OR52H1: variants seen among roughly 807,000 people sequenced by gnomAD.
The protein encoded by OR52H1 is olfactory receptor family 52 subfamily H member 1, also known as olfactory receptor 52H1.
For missense variants in OR52H1, 383 were observed against 396.4 expected (o/e 0.97, Z 0.29); for synonymous variants, 148 against 138.6 (o/e 1.07, Z -0.48).
rs970084228 is a variant in OR52H1 at position 5,548,493 on chromosome 11, T to G, written c.-72A>C. ...GGCCAAAGGGAAAGAAGAAAGAGTG[T>G]GTTGACAAAATCTACAAGACAGCAG... On this transcript the variant is annotated 5_prime_UTR_variant, in exon 1 of 2. Transcript: ENST00000322653. 2.0e-5 allele frequency: 3 copies of G among 151,230 alleles called. No individual in the cohort carries two copies. Among genetic ancestry groups the G allele is most frequent in the Non-Finnish European group, 1.5e-5 (1 of 68,000 alleles). 9.4% of individuals were successfully genotyped at this position (151,230 alleles called of 1,614,324 possible).
rs745998809 is a variant in OR52H1 at position 5,544,948 on chromosome 11, A to G, written c.558T>C (p.Val186=). 1.9e-6 allele frequency: 3 copies of G among 1,614,068 alleles called. No homozygotes were observed. In the East Asian group the frequency reaches 6.7e-5, roughly 36 times the overall value. ...IPHTYCEHIG[V]AQLACADISI... ...AGATATCAGCACAGGCGAGCTGGGCAACACCTATATGCTCACAGTATGTGT... is the reference window on the plus strand; with the variant it reads ...AGATATCAGCACAGGCGAGCTGGGCGACACCTATATGCTCACAGTATGTGT... Residue 186 remains valine (V), a synonymous_variant, in exon 2 of 2, where the codon GTT becomes GTC. Transcript: ENST00000322653.
Position 5,545,311 on chromosome 11 carries a change from G to A in OR52H1, c.195C>T (p.Leu65=), listed in dbSNP as rs1429199411. The A allele has an allele frequency of 1.2e-6, 2 of 1,614,186 alleles. No individual in the cohort carries two copies. The highest frequency in any genetic ancestry group is 2.2e-5 in the South Asian group (2 of 91,082). ...HSLHEPMFFF[L]SMLAMTDLIL... ...TGAGGTCAGTCATGGCCAGCATGGA[G>A]AGAAAGAAGAACATGGGTTCATGAA... is the stretch of plus-strand genomic sequence containing the variant. Residue 65 remains leucine (L), a synonymous_variant, in exon 2 of 2, where the codon CTC becomes CTT. Coordinates refer to ENST00000322653, the MANE Select transcript of OR52H1 (RefSeq NM_001005289.5).
rs1486343306 is a variant in OR52H1, at chr11:5,544,957, A to G, written c.549T>C (p.His183=). The change falls in exon 2 of 2, where the codon CAT becomes CAC. Residue 183 remains histidine, a synonymous_variant. Transcript: ENST00000322653. Reference sequence around the variant, plus strand: ...CACAGGCGAGCTGGGCAACACCTATATGCTCACAGTATGTGTGGGGTATGA... The same window carrying G: ...CACAGGCGAGCTGGGCAACACCTATGTGCTCACAGTATGTGTGGGGTATGA... ...TRIIPHTYCE[H]IGVAQLACAD... is the part of the protein sequence containing the mutation. 2 of 1,614,066 alleles carry G rather than the reference A, an allele frequency of 1.2e-6. No individual in the cohort carries two copies. The highest frequency in any genetic ancestry group is 2.7e-5 in the African/African-American group (2 of 74,934).
At chr11:5,547,521 T>C (rs560033431) in intron 1 of OR52H1, among the ~76,000 whole-genome samples, 1 of 151,530 alleles carries the variant, frequency 6.6e-6, no homozygotes, top group African/African-American at 2.4e-5. Context: ...GGTTCCACAA[T>C]TTACTAGCTA....
Position 5,544,670 on chromosome 11 carries a change from G to A in OR52H1, c.836C>T (p.Ala279Val), listed in dbSNP as rs1443944820. The A allele has an allele frequency of 1.2e-6, 2 of 1,613,840 alleles. 1 individual carries two copies. The highest frequency in any genetic ancestry group is 2.2e-5 in the South Asian group (2 of 91,080). ...AGGTGGGATAACAATGTAGAGATTG[G>A]CAAACATGATGTGGAAGGTGCGAGA... The part of the protein sequence containing the change: ...NVSRTFHIMF[A>V]NLYIVIPPAL... Residue 279 changes from alanine to valine, a missense_variant, in exon 2 of 2, where the codon GCC becomes GTC. Physicochemically the swap from Ala to Val is moderately conservative, Grantham distance 64. Transcript: ENST00000322653.
chr11:5,545,768 C>T (rs946317440), intron 1 of OR52H1, among the ~76,000 whole-genome samples: 4 of 152,164 alleles, frequency 2.6e-5, no homozygotes, highest in African/African-American at 9.7e-5. Flanking sequence ...AGAATCTTTT[C>T]TTTCTTCTGA....
chr11:5,544,860 T>C lies in OR52H1; in HGVS notation c.646A>G (p.Ile216Val), dbSNP rs748082083. ...IMTVISDVIL[I>V]AVSYAHILCA... ...AGGATGTGTGCGTAGGAAACAGCAA[T>C]GAGAATCACATCTGAGATGACCGTC... Residue 216 changes from isoleucine (I) to valine (V), a missense_variant, in exon 2 of 2, where the codon ATT becomes GTT. Ile to Val is a conservative substitution (Grantham distance 29, BLOSUM62 3). Transcript: ENST00000322653. 1 of 1,613,532 alleles carries C rather than the reference T, an allele frequency of 6.2e-7. No homozygotes were observed. Among genetic ancestry groups the C allele is most frequent in the Non-Finnish European group, 8.5e-7 (1 of 1,179,650 alleles).
intron 1 of OR52H1, among the ~76,000 whole-genome samples, chr11:5,545,938 C>G (rs1300553052): frequency 6.6e-6 from 1 of 152,062 alleles, no homozygotes; most frequent in African/African-American, 2.4e-5. Context: ...TGTTTAGGAT[C>G]TGCTTGCTCT....
At chr11:5,548,248 A>C (rs1240091156) in intron 1 of OR52H1, among the ~76,000 whole-genome samples, 1 of 139,216 alleles carries the variant, frequency 7.2e-6, no homozygotes, top group Non-Finnish European at 1.5e-5. Flanking sequence ...GTAATTGTCC[A>C]TCTGTTCTGA....
chr11:5,546,752 T>A (rs974867359), intron 1 of OR52H1, among the ~76,000 whole-genome samples: 7 of 149,626 alleles, frequency 4.7e-5, no homozygotes, highest in African/African-American at 7.4e-5. Context: ...TCCAAAAGCA[T>A]TCACAAACAC....
chr11:5,545,341 A>G lies in OR52H1; in HGVS notation c.165T>C (p.His55=), dbSNP rs1554903306. 6 of 1,614,126 alleles carry G rather than the reference A, an allele frequency of 3.7e-6. No individual in the cohort carries two copies. In the South Asian group the frequency reaches 4.4e-5, roughly 12 times the overall value. Residue 55 remains histidine (H), a synonymous_variant, in exon 2 of 2, where the codon CAT becomes CAC. Coordinates refer to ENST00000322653, the MANE Select transcript of OR52H1 (RefSeq NM_001005289.5). ...CILLYLIVVE[H]SLHEPMFFFL... is the part of the protein sequence containing the mutation. ...AGAAGAACATGGGTTCATGAAGACT[A>G]TGCTCCACCACAATGAGGTAGAGAA...
chr11:5,547,030 A>T (rs1349487268), intron 1 of OR52H1, among the ~76,000 whole-genome samples: 1 of 152,180 alleles, frequency 6.6e-6, no homozygotes, highest in Non-Finnish European at 1.5e-5. Flanking sequence ...ATCTCGGCTC[A>T]CTGCAACCTC....
chr11:5,545,567 A>G (rs1846842405), intron 1 of OR52H1, 32 bp from the exon 2 acceptor site: 1 of 1,549,796 alleles, frequency 6.5e-7, no homozygotes, highest in Admixed American at 2.0e-5. Flanking sequence ...GGATAGAGAA[A>G]CTTGAGTAAC....
chr11:5,546,218 T>C (rs1402963219), intron 1 of OR52H1, among the ~76,000 whole-genome samples: 2 of 152,082 alleles, frequency 1.3e-5, no homozygotes, highest in African/African-American at 2.4e-5. Flanking sequence ...TCCAACACTT[T>C]ATATACTACG....
At chr11:5,547,794 C>T (rs369879) in intron 1 of OR52H1, among the ~76,000 whole-genome samples, 48,722 of 151,490 alleles carry the variant, frequency 0.32, 10,043 homozygotes, top group East Asian at 0.85. Context: ...TACAGGTGCC[C>T]GCCACTATGC....
In OR52H1 at chr11:5,544,844, G is replaced by A. The variant is rs114706438; in HGVS notation, c.662C>T (p.Ala221Val). The change falls in exon 2 of 2, where the codon GCA becomes GTA. Residue 221 changes from alanine (A) to valine (V), a missense_variant. Coordinates refer to ENST00000322653, the MANE Select transcript of OR52H1 (RefSeq NM_001005289.5). Reference sequence around the variant, plus strand: ...GCCAAAGACAGCACAGAGGATGTGTGCGTAGGAAACAGCAATGAGAATCAC... The same window carrying A: ...GCCAAAGACAGCACAGAGGATGTGTACGTAGGAAACAGCAATGAGAATCAC... ...SDVILIAVSY[A>V]HILCAVFGLP... 7.0e-4 allele frequency: 1,130 copies of A among 1,614,074 alleles called. 6 individuals carry two copies. The African/African-American group carries it at 0.012, about 17-fold the overall frequency.
At position 5,545,447 on chromosome 11, in the gene OR52H1, G is replaced by C. The variant is rs777473288; in HGVS notation, c.59C>G (p.Pro20Arg). Residue 20 changes from proline (P) to arginine (R), a missense_variant, in exon 2 of 2, where the codon CCA becomes CGA. Physicochemically the swap from Pro to Arg is moderately radical, Grantham distance 103. Transcript: ENST00000322653. ...NPGPFILVGI[P>R]GLEQFHVWIG... ...CCACACATGGAATTGCTCCAGGCCT[G>C]GGATCCCTACCAGAATGAAGGGTCC... The C allele has an allele frequency of 2.5e-6, 4 of 1,614,122 alleles. No homozygotes were observed. Among genetic ancestry groups the C allele is most frequent in the Non-Finnish European group, 2.5e-6 (3 of 1,180,006 alleles).
intron 1 of OR52H1, 113 bp downstream of exon 1, chr11:5,548,339 G>T (rs533600210): frequency 1.8e-4 from 27 of 152,304 alleles, no homozygotes; most frequent in African/African-American, 6.3e-4. Flanking sequence ...AGTTGCTCAG[G>T]AAAGAAAATT....
chr11:5,545,697 C>G (rs1310358375), intron 1 of OR52H1, 162 bp from the exon 2 acceptor site: 6 of 682,612 alleles, frequency 8.8e-6, no homozygotes. Flanking sequence ...ATAATGGTAG[C>G]AACATGCAAA....
Sources: allele counts gnomAD v4.1 joint callset (sites outside exome capture counted in the v4.1 genomes callset), GRCh38; gene constraint gnomAD v4.1.1; transcripts MANE v1.5; gene names NCBI Gene and HGNC (gene_info 2026-07-23, HGNC 2026-07-21).